The following RPF2 variants were observed in gnomAD, a reference collection of about 807,000 sequenced individuals.
RPF2 encodes ribosome production factor 2 homolog, also known as brix domain containing 1.
In RPF2, 21 loss-of-function variants were observed where a neutral mutation model predicts 38.9. The ratio of observed to expected loss-of-function variants is 0.54; its 90% CI spans 0.38 to 0.78. The LOEUF (loss-of-function observed/expected upper bound fraction) is 0.78. RPF2 is among the 30% of genes least tolerant of loss of function. The probability of loss-of-function intolerance (pLI) is 0.00; values close to 1 mark genes in which losing one functional copy is unlikely to be tolerated. For synonymous variants in RPF2, 121 were observed against 126.2 expected (o/e 0.96, Z 0.28); for missense variants, 314 against 358.1 (o/e 0.88, Z 0.99).
intron 6 of RPF2, among the ~76,000 whole-genome samples, chr6:111,001,253 A>G (rs923611116): frequency 6.6e-6 from 1 of 152,248 alleles, no homozygotes; most frequent in African/African-American, 2.4e-5. Flanking sequence ...AAGTATAACA[A>G]CATCAAATGA....
intron 7 of RPF2, among the ~76,000 whole-genome samples, chr6:111,011,594 T>G (rs1406719896): frequency 1.3e-5 from 2 of 152,108 alleles, no homozygotes; most frequent in Non-Finnish European, 2.9e-5. Context: ...TGGTCAAGGG[T>G]ATTTTTCCAG....
intron 8 of RPF2, among the ~76,000 whole-genome samples, chr6:111,016,161 C>A (rs1310728629): frequency 2.0e-5 from 3 of 152,162 alleles, no homozygotes; most frequent in African/African-American, 4.8e-5. Flanking sequence ...AGCCACAAAT[C>A]CTTGGCTAGG....
In RPF2 at chr6:110,982,208, T is replaced by C. The variant is rs376298721; in HGVS notation, c.23+79T>C. The C allele has an allele frequency of 2.1e-5, 31 of 1,492,860 alleles. No individual in the cohort carries two copies. In the African/African-American group the frequency reaches 4.1e-4, roughly 20 times the overall value. The allele number at this position is 1,492,860 out of a possible 1,614,324, so 92.5% of individuals were successfully genotyped here. A position where few individuals can be genotyped will look rare whatever the true frequency, so the allele number is the denominator to read the frequency against. ...ATGAGGGTGGTACTGTCTCGGCCTC[T>C]CACTCTTCCTGGTTACCCCTCTAAT... On this transcript the variant is annotated intron_variant, in intron 1 of 9. Transcript: ENST00000441448.
At chr6:110,999,594 G>A (rs1324852469) in intron 5 of RPF2, 117 bp from the exon 6 acceptor site, 2 of 644,884 alleles carry the variant, frequency 3.1e-6, no homozygotes, top group African/African-American at 3.6e-5. Context: ...TGTTTGCGGG[G>A]GTATAGGGAG....
chr6:111,022,678 A>G (rs1411137264), intron 8 of RPF2, among the ~76,000 whole-genome samples: 1 of 152,248 alleles, frequency 6.6e-6, no homozygotes, highest in Non-Finnish European at 1.5e-5. Flanking sequence ...TACATCTATT[A>G]TGCATCAATT....
In RPF2 at chr6:111,007,632, G is replaced by A. The variant is rs372377796; in HGVS notation, c.394-406G>A. ...TAATAAAATGTGAAAATAAATTAGT[G>A]TAAAGTATTGACTACTTTAAAATCA... is the stretch of plus-strand genomic sequence containing the variant. On this transcript the variant is annotated intron_variant, in intron 6 of 9. Transcript: ENST00000441448. Among the ~76,000 whole-genome samples the A allele has an allele frequency of 1.8e-3, 278 of 152,252 alleles. 11 individuals are homozygous for A. The South Asian group carries it at 0.055, about 30-fold the overall frequency.
intron 6 of RPF2, among the ~76,000 whole-genome samples, chr6:111,006,721 C>T (rs974463317): frequency 2.6e-5 from 4 of 152,184 alleles, no homozygotes; most frequent in Non-Finnish European, 4.4e-5. Context: ...GATCCTCCTA[C>T]CTCACGTTCC....
At chr6:111,020,437 G>C (rs1041184707) in intron 8 of RPF2, among the ~76,000 whole-genome samples, 8 of 152,176 alleles carry the variant, frequency 5.3e-5, no homozygotes, top group African/African-American at 1.9e-4. Flanking sequence ...GGTAACAGTA[G>C]CCTAAAACTC....
At chr6:110,986,458 T>C (rs1378023863) in intron 2 of RPF2, among the ~76,000 whole-genome samples, 2 of 152,194 alleles carry the variant, frequency 1.3e-5, no homozygotes, top group Non-Finnish European at 2.9e-5. Flanking sequence ...GGTGTTTGGC[T>C]TGAGTGCCTG....
chr6:111,012,674 T>C (rs983060355), intron 7 of RPF2, among the ~76,000 whole-genome samples: 1 of 152,050 alleles, frequency 6.6e-6, no homozygotes, highest in African/African-American at 2.4e-5. Flanking sequence ...TTATTTCTTA[T>C]TTGTTTATTT....
intron 8 of RPF2, among the ~76,000 whole-genome samples, chr6:111,017,438 G>T (rs867043110): frequency 1.3e-4 from 18 of 143,374 alleles, no homozygotes; most frequent in East Asian, 1.1e-3. Context: ...CGGATGGGGG[G>T]GCTCCTCACT....
intron 7 of RPF2, among the ~76,000 whole-genome samples, chr6:111,013,072 C>T (rs1454645698): frequency 6.6e-6 from 1 of 152,214 alleles, no homozygotes; most frequent in Non-Finnish European, 1.5e-5. Context: ...ATACCACTTG[C>T]ATGACGTCTT....
chr6:111,018,181 T>C (rs1772164406), intron 8 of RPF2, among the ~76,000 whole-genome samples: 1 of 130,410 alleles, frequency 7.7e-6, no homozygotes, highest in African/African-American at 3.0e-5. Flanking sequence ...CAGCTTCGGC[T>C]CGGCATCAGG....
rs77560196 is a variant in RPF2 at position 110,999,139 on chromosome 6, C to T, written c.317-572C>T. On this transcript the variant is annotated intron_variant, in intron 5 of 9. Transcript: ENST00000441448. ...TTCTGGTTTAAATGGGAAGCGTGGT[C>T]TCTTCGGGCTCTCAGCATCCCTGCC... is the stretch of plus-strand genomic sequence containing the variant. Among the ~76,000 whole-genome samples, 150 of 152,168 alleles carry T rather than the reference C, an allele frequency of 9.9e-4. 2 individuals are homozygous for T. In the East Asian group the frequency reaches 0.026, roughly 26 times the overall value.
chr6:110,982,926 G>A (rs1290947687), intron 1 of RPF2, among the ~76,000 whole-genome samples: 1 of 152,166 alleles, frequency 6.6e-6, no homozygotes. Flanking sequence ...CATGTTAATT[G>A]CTATTTGCAT....
intron 7 of RPF2, among the ~76,000 whole-genome samples, chr6:111,012,727 T>C (rs1473363690): frequency 6.6e-6 from 1 of 152,202 alleles, no homozygotes; most frequent in Non-Finnish European, 1.5e-5. Context: ...TGGAGTGCAA[T>C]GGAGCAATCT....
chr6:111,001,092 A>G (rs1771805297), intron 6 of RPF2, among the ~76,000 whole-genome samples: 1 of 152,186 alleles, frequency 6.6e-6, no homozygotes, highest in South Asian at 2.1e-4. Context: ...CAGTCACCCC[A>G]GTTTCCTCAG....
At chr6:111,011,972 A>G (rs1431739947) in intron 7 of RPF2, among the ~76,000 whole-genome samples, 1 of 152,142 alleles carries the variant, frequency 6.6e-6, no homozygotes, top group Admixed American at 6.6e-5. Flanking sequence ...CAGTATAAAT[A>G]TGAAGTAAAA....
intron 4 of RPF2, among the ~76,000 whole-genome samples, chr6:110,995,647 A>C (rs1239520616): frequency 3.3e-5 from 5 of 152,166 alleles, no homozygotes; most frequent in Non-Finnish European, 7.3e-5. Context: ...TTTCGTGCTA[A>C]AAGTGGTGAT....
Sources: allele counts gnomAD v4.1 joint callset (sites outside exome capture counted in the v4.1 genomes callset), GRCh38; gene constraint gnomAD v4.1.1; transcripts MANE v1.5; gene names NCBI Gene and HGNC (gene_info 2026-07-23, HGNC 2026-07-21).